Variants in LAMB4 observed in about 807,000 individuals in gnomAD.
LAMB4 encodes laminin subunit beta 4.
LAMB4 carries 196 observed loss-of-function variants against 199.2 expected under a neutral mutation model. That is an observed-to-expected ratio of 0.98 (90% confidence interval 0.88 to 1.11). The LOEUF (loss-of-function observed/expected upper bound fraction) is 1.11. Among genes scored for constraint, LAMB4 ranks in the 50% least tolerant of loss-of-function variants. The pLI is 0.00. For missense variants in LAMB4, 2,080 were observed against 2,171.2 expected (o/e 0.96, Z 0.83); for synonymous variants, 744 against 770.6 (o/e 0.97, Z 0.57).
chr7:108,076,852 T>G (rs1422390132), intron 17 of LAMB4, 92 bp downstream of exon 17: 1 of 1,420,590 alleles, frequency 7.0e-7, no homozygotes, highest in Admixed American at 2.1e-5. Flanking sequence ...TACGTTTACA[T>G]TTTTAAAGAA....
chr7:108,031,491 A>G (rs560296541), intron 31 of LAMB4, among the ~76,000 whole-genome samples: 13 of 152,032 alleles, frequency 8.6e-5, no homozygotes, highest in African/African-American at 2.7e-4. Context: ...ACCACTCCCC[A>G]TTATATCTTC....
downstream of LAMB4, among the ~76,000 whole-genome samples, chr7:108,021,554 A>C (rs1477949114): frequency 6.6e-6 from 1 of 152,160 alleles, no homozygotes; most frequent in Non-Finnish European, 1.5e-5. Context: ...TACTAAAAAT[A>C]CAAAATTAGC....
chr7:108,044,024 A>AGGAATTTG, intron 28 of LAMB4, 128 bp from the exon 29 acceptor site: 1 of 679,188 alleles, frequency 1.5e-6, no homozygotes, highest in Non-Finnish European at 2.3e-6. Context: ...GTCTAGATAA[A>AGGAATTTG]CCATAGATTC....
rs776771259 is a variant in LAMB4 at position 108,111,814 on chromosome 7, T to A, written c.325A>T (p.Asn109Tyr). Residue 109 changes from asparagine (N) to tyrosine (Y), a missense_variant, in exon 4 of 34, where the codon AAT (asparagine) becomes TAT (tyrosine). Coordinates refer to ENST00000388781, the MANE Select transcript of LAMB4 (RefSeq NM_007356.3). ...DREKKWWQSE[N>Y]GLDHVSIRLD... is the part of the protein sequence containing the mutation. Reference sequence around the variant, plus strand: ...TGGAAAGGAACTTAAATCATACCATTTTCAGATTGCCACCATTTCTTTTCT... The same window carrying A: ...TGGAAAGGAACTTAAATCATACCATATTCAGATTGCCACCATTTCTTTTCT... 1.9e-6 allele frequency: 3 copies of A among 1,611,486 alleles called. No individual in the cohort carries two copies. In the South Asian group the frequency reaches 3.3e-5, roughly 18 times the overall value.
chr7:108,044,144 AT>A, intron 28 of LAMB4: 2 of 318,212 alleles, frequency 6.3e-6, no homozygotes, highest in Middle Eastern at 9.0e-4. Flanking sequence ...GCACTAACGA[AT>A]TTTTCTAATA....
intron 30 of LAMB4, among the ~76,000 whole-genome samples, chr7:108,034,910 A>G (rs2035168839): frequency 4.6e-5 from 7 of 152,200 alleles, no homozygotes; most frequent in Admixed American, 4.6e-4. Context: ...GTCAACAATC[A>G]CCAAATACTT....
At chr7:108,071,348 C>G (rs990301668) in intron 17 of LAMB4, among the ~76,000 whole-genome samples, 1 of 122,088 alleles carries the variant, frequency 8.2e-6, no homozygotes, top group Non-Finnish European at 1.7e-5. Context: ...CTCATCAGCA[C>G]CCCCCTAACT....
At chr7:108,091,098 CTT>C (rs34553199) in intron 14 of LAMB4, among the ~76,000 whole-genome samples, 1 of 149,390 alleles carries the variant, frequency 6.7e-6, no homozygotes, top group African/African-American at 2.5e-5. Flanking sequence ...CTCGAATTAC[CTT>C]TTTTTTTTGT....
At chr7:108,029,522 A>G (rs2034956864) in intron 32 of LAMB4, among the ~76,000 whole-genome samples, 1 of 152,224 alleles carries the variant, frequency 6.6e-6, no homozygotes. Context: ...AAATGACCCA[A>G]TCCCATCCTT....
In LAMB4 at chr7:108,026,624, C is replaced by A. The variant is rs995124367; in HGVS notation, c.5146+2419G>T. On this transcript the variant is annotated intron_variant, in intron 33 of 33. Coordinates refer to ENST00000388781, the MANE Select transcript of LAMB4 (RefSeq NM_007356.3). ...CAGTGAATAAATGACTGAGACAACT[C>A]CACTTCTAAATACTTTATCCAAAAT... 5 of 200,414 alleles carry A rather than the reference C, an allele frequency of 2.5e-5. No individual in the cohort carries two copies. In the South Asian group the frequency reaches 3.3e-4, roughly 13 times the overall value. 12.4% of individuals were successfully genotyped at this position (200,414 alleles called of 1,614,324 possible).
chr7:108,076,783 G>A (rs1290664104), intron 17 of LAMB4, among the ~76,000 whole-genome samples, 161 bp downstream of exon 17: 1 of 152,100 alleles, frequency 6.6e-6, no homozygotes, highest in African/African-American at 2.4e-5. Context: ...ACCATTACTG[G>A]GACATACTGT....
intron 3 of LAMB4, among the ~76,000 whole-genome samples, chr7:108,115,068 A>C (rs143184983): frequency 6.6e-6 from 1 of 152,228 alleles, no homozygotes; most frequent in Non-Finnish European, 1.5e-5. Flanking sequence ...TAATGGCAGC[A>C]GGCCCTGATG....
rs78106755 is a variant in LAMB4, at chr7:108,049,536, G to A, written c.3917-5C>T. ...TCTTGATGTTTTCTGAGGAGTCTAC[G>A]TCAATGCAAATTGAAGTAAGGTAAA... On this transcript the variant is annotated splice_region_variant and splice_polypyrimidine_tract_variant and intron_variant, in intron 26 of 33. Coordinates refer to ENST00000388781, the MANE Select transcript of LAMB4 (RefSeq NM_007356.3). 1.7e-3 allele frequency: 2,648 copies of A among 1,547,288 alleles called. 75 individuals carry two copies. In the East Asian group the frequency reaches 0.05, roughly 29 times the overall value.
At position 108,029,150 on chromosome 7, in the gene LAMB4, G is replaced by T. The variant is rs2034942057; in HGVS notation, c.5039C>A (p.Thr1680Lys). Residue 1680 changes from threonine (T) to lysine (K), a missense_variant, in exon 33 of 34, where the codon ACA (threonine) becomes AAA (lysine). By Grantham distance (78) the Thr-to-Lys change is moderately conservative. Transcript: ENST00000388781. ...CTCCTTTGTTAGTCCTGTAGTGCTTGTCTTACGTTGGAGAATAGCATATTG... is the reference window on the plus strand; with the variant it reads ...CTCCTTTGTTAGTCCTGTAGTGCTTTTCTTACGTTGGAGAATAGCATATTG... ...KKQYAILQRK[T>K]STTGLTKETL... The T allele has an allele frequency of 1.2e-6, 2 of 1,613,476 alleles. No individual in the cohort carries two copies. Among genetic ancestry groups the T allele is most frequent in the African/African-American group, 2.7e-5 (2 of 75,004 alleles).
intron 30 of LAMB4, among the ~76,000 whole-genome samples, chr7:108,034,625 A>C (rs2035160991): frequency 6.6e-6 from 1 of 152,206 alleles, no homozygotes; most frequent in Admixed American, 6.5e-5. Flanking sequence ...TGATATAACT[A>C]TCAATCTTTG....
intron 28 of LAMB4, among the ~76,000 whole-genome samples, chr7:108,047,499 T>C (rs1227222575): frequency 6.6e-6 from 1 of 152,220 alleles, no homozygotes; most frequent in Admixed American, 6.5e-5. Flanking sequence ...GCTTACTTTA[T>C]GGTTATATTA....
chr7:108,031,331 CAAAAA>C (rs60572529), intron 31 of LAMB4, among the ~76,000 whole-genome samples: 1 of 14,952 alleles, frequency 6.7e-5, no homozygotes, highest in Non-Finnish European at 1.2e-4. Flanking sequence ...TCAACAATAA[CAAAAA>C]AAAAAAAAAA....
rs866874729 is a variant in LAMB4 at position 108,066,583 on chromosome 7, G to A, written c.2464C>T (p.Gln822Ter). 5.6e-6 allele frequency: 9 copies of A among 1,608,852 alleles called. No individual in the cohort carries two copies. The highest frequency in any genetic ancestry group is 7.6e-6 in the Non-Finnish European group (9 of 1,177,094). ...HGCHPCHCHP[Q>*]GSKDTVCDQV... ...TCACATACAGTGTCCTTTGATCCTT[G>A]AGGATGGCAGTGACATGCTGGATGA... The change falls in exon 20 of 34, where the codon CAA becomes TAA. Residue 822 changes from glutamine to a stop codon, truncating the protein, a stop_gained. Coordinates refer to ENST00000388781, the MANE Select transcript of LAMB4 (RefSeq NM_007356.3). LOFTEE classifies it high-confidence loss of function.
chr7:108,030,462 G>A (rs1024843181), intron 32 of LAMB4, among the ~76,000 whole-genome samples: 7 of 152,158 alleles, frequency 4.6e-5, no homozygotes, highest in Non-Finnish European at 7.3e-5. Flanking sequence ...GACTGAATGA[G>A]AATAGAGGGC....
Sources: allele counts gnomAD v4.1 joint callset (sites outside exome capture counted in the v4.1 genomes callset), GRCh38; gene constraint gnomAD v4.1.1; transcripts MANE v1.5; gene names NCBI Gene and HGNC (gene_info 2026-07-23, HGNC 2026-07-21).